Variants in NR3C1 observed in about 807,000 individuals in gnomAD.
NR3C1 encodes glucocorticoid receptor.
A neutral mutation model predicts 74.0 loss-of-function variants in NR3C1; 14 were observed. The observed-to-expected ratio is 0.19, with a 90% CI of 0.12 to 0.30. NR3C1 has a LOEUF of 0.30. NR3C1 is among the 10% of genes least tolerant of loss of function. The pLI is 1.00. For missense variants in NR3C1, 695 were observed against 909.8 expected (o/e 0.76, Z 3.04); for synonymous variants, 308 against 332.5 (o/e 0.93, Z 0.80).
chr5:143,345,749 T>C (rs1298749051), intron 2 of NR3C1, among the ~76,000 whole-genome samples: 1 of 152,222 alleles, frequency 6.6e-6, no homozygotes, highest in African/African-American at 2.4e-5. Flanking sequence ...TAAATAATTA[T>C]TTTTTGTTTT....
chr5:143,311,176 TA>T (rs1262694859), intron 3 of NR3C1, among the ~76,000 whole-genome samples: 1 of 152,228 alleles, frequency 6.6e-6, no homozygotes, highest in Admixed American at 6.5e-5. Context: ...ATGGAAGCAC[TA>T]ACCCAATTCT....
intron 2 of NR3C1, among the ~76,000 whole-genome samples, chr5:143,359,396 T>C (rs1478375856): frequency 2.0e-5 from 3 of 152,210 alleles, no homozygotes; most frequent in Non-Finnish European, 2.9e-5. Flanking sequence ...AATGAGTCTC[T>C]AGATTTTTGC....
intron 2 of NR3C1, among the ~76,000 whole-genome samples, chr5:143,352,016 A>G (rs1830316920): frequency 6.6e-6 from 1 of 152,206 alleles, no homozygotes; most frequent in Non-Finnish European, 1.5e-5. Flanking sequence ...ATAGATGAAG[A>G]GAGTTTTGTT....
At chr5:143,412,576 C>T (rs2151955857) in intron 1 of NR3C1, among the ~76,000 whole-genome samples, 1 of 152,298 alleles carries the variant, frequency 6.6e-6, no homozygotes, top group East Asian at 1.9e-4. Context: ...CCAAAAGCCA[C>T]CCTATTGTCT....
intron 2 of NR3C1, among the ~76,000 whole-genome samples, chr5:143,325,086 C>T (rs1196223518): frequency 6.6e-6 from 1 of 152,164 alleles, no homozygotes; most frequent in Non-Finnish European, 1.5e-5. Context: ...GTCGCTTCCA[C>T]ATTTTTGGGT....
upstream of NR3C1, chr5:143,407,014 TA>T (rs1201418551): frequency 6.6e-6 from 1 of 152,240 alleles, no homozygotes; most frequent in African/African-American, 2.4e-5. Flanking sequence ...TGGCATTTAC[TA>T]ATCTGTAACC....
At chr5:143,362,366 T>G (rs942329132) in intron 2 of NR3C1, among the ~76,000 whole-genome samples, 2 of 151,910 alleles carry the variant, frequency 1.3e-5, no homozygotes, top group African/African-American at 4.8e-5. Flanking sequence ...ACTTGTTTTT[T>G]TTTTTTTTTG....
chr5:143,287,570 G>A (rs1814781162), intron 7 of NR3C1, among the ~76,000 whole-genome samples: 1 of 152,038 alleles, frequency 6.6e-6, no homozygotes, highest in Admixed American at 6.6e-5. Flanking sequence ...CTGGTAACAT[G>A]TATCAAATAT....
At position 143,291,464 on chromosome 5, in the gene NR3C1, T is replaced by A. The variant is rs182896783; in HGVS notation, c.2023+3996A>T. Among the ~76,000 whole-genome samples the A allele has an allele frequency of 1.5e-3, 229 of 152,266 alleles. 2 individuals carry two copies. Among genetic ancestry groups the A allele is most frequent in the Non-Finnish European group, 1.4e-3 (94 of 67,992 alleles). On this transcript the variant is annotated intron_variant, in intron 7 of 8. Coordinates refer to ENST00000394464, the MANE Select transcript of NR3C1 (RefSeq NM_000176.3). ...TGGTCTTGATCTCTTGACTCTGTGA[T>A]CTGCCTGCCTCAGCCTCCCAAAGTG...
chr5:143,412,352 T>C (rs1466968184), intron 1 of NR3C1, among the ~76,000 whole-genome samples: 2 of 152,156 alleles, frequency 1.3e-5, no homozygotes, highest in African/African-American at 2.4e-5. Flanking sequence ...AGTAATTTCA[T>C]TGATTTTTGC....
At chr5:143,418,874 C>G (rs1014095554) in intron 1 of NR3C1, among the ~76,000 whole-genome samples, 2 of 152,162 alleles carry the variant, frequency 1.3e-5, no homozygotes, top group African/African-American at 4.8e-5. Flanking sequence ...GACCTAGTTA[C>G]CTCTGTTTCC....
chr5:143,300,355 C>T lies in NR3C1; in HGVS notation c.1747+130G>A. The T allele has an allele frequency of 9.3e-7, 1 of 1,075,244 alleles. No homozygotes were observed. The allele number at this position is 1,075,244 out of a possible 1,614,324, so 66.6% of individuals were successfully genotyped here. A position where few individuals can be genotyped will look rare whatever the true frequency, so the allele number is the denominator to read the frequency against. ...TATCACCTGTATTCACCTGACTCTC[C>T]CCTTCATAGTCCCCAGAACTAAGAG... On this transcript the variant is annotated intron_variant, in intron 5 of 8. Transcript: ENST00000394464. This position sits in a 1 kb window ranked among gnomAD's most constrained non-coding sequence, Gnocchi z 5.2.
chr5:143,424,044 A>G (rs1313813260), intron 1 of NR3C1, among the ~76,000 whole-genome samples: 1 of 59,210 alleles, frequency 1.7e-5, no homozygotes, highest in Non-Finnish European at 3.0e-5. Context: ...GGGGAACATC[A>G]CACTCTGGGG....
chr5:143,398,507 A>G (rs1839664803), intron 2 of NR3C1, among the ~76,000 whole-genome samples: 2 of 151,974 alleles, frequency 1.3e-5, no homozygotes, highest in Admixed American at 1.3e-4. Flanking sequence ...CTTTCACAGA[A>G]AAAGGATTTT....
At chr5:143,305,314 A>G (rs897144826) in intron 4 of NR3C1, among the ~76,000 whole-genome samples, 1 of 152,212 alleles carries the variant, frequency 6.6e-6, no homozygotes, top group African/African-American at 2.4e-5. Flanking sequence ...CCACAATGAC[A>G]CCACTGTGGA....
At chr5:143,324,123 C>T (rs757629327) in intron 2 of NR3C1, among the ~76,000 whole-genome samples, 12 of 152,202 alleles carry the variant, frequency 7.9e-5, no homozygotes, top group Non-Finnish European at 1.6e-4. Context: ...GATGACGGCT[C>T]TCTTCCCACA....
At chr5:143,363,659 T>C (rs1365615925) in intron 2 of NR3C1, among the ~76,000 whole-genome samples, 1 of 151,864 alleles carries the variant, frequency 6.6e-6, no homozygotes, top group East Asian at 1.9e-4. Context: ...TAAAGGAAAG[T>C]ATAAAACAGT....
chr5:143,418,048 C>T (rs1181346434), intron 1 of NR3C1, among the ~76,000 whole-genome samples: 2 of 152,150 alleles, frequency 1.3e-5, no homozygotes, highest in Admixed American at 1.3e-4. Flanking sequence ...AACAGAAGCA[C>T]AGAGAAATAA....
intron 2 of NR3C1, among the ~76,000 whole-genome samples, chr5:143,373,996 T>C (rs1486489028): frequency 6.6e-6 from 1 of 152,254 alleles, no homozygotes; most frequent in Non-Finnish European, 1.5e-5. Context: ...TCAGTTACTC[T>C]TTCTGTCCTT....
Sources: gnomAD v4.1 joint callset for allele counts (sites outside exome capture counted in the v4.1 genomes callset) on GRCh38, gnomAD v4.1.1 for gene constraint, Gnocchi (gnomAD v3.1) non-coding constraint, MANE v1.5 for transcripts, NCBI Gene and HGNC (gene_info 2026-07-23, HGNC 2026-07-21) for gene names.